CCDC146: variants seen among roughly 807,000 people sequenced by gnomAD.
The protein encoded by CCDC146 is coiled-coil domain containing 146, also known as coiled-coil domain-containing protein 146.
Under a neutral mutation model 119.3 loss-of-function variants are expected in CCDC146, and 92 were observed. The ratio of observed to expected loss-of-function variants is 0.77; its 90% CI spans 0.65 to 0.92. The LOEUF is 0.92. Ranked by LOEUF, CCDC146 falls within the 40% of genes least tolerant of loss-of-function variation. The probability of loss-of-function intolerance (pLI) is 0.00; values close to 1 mark genes in which losing one functional copy is unlikely to be tolerated. For missense variants in CCDC146, 1,000 were observed against 1,103.0 expected, an observed-to-expected ratio of 0.91 and a Z score of 1.32; for synonymous variants, 372 against 371.8, an observed-to-expected ratio of 1.00 and a Z score of -0.01.
At chr7:77,176,504 A>G (rs1476304449) in intron 2 of CCDC146, among the ~76,000 whole-genome samples, 1 of 144,970 alleles carries the variant, frequency 6.9e-6, no homozygotes, top group Non-Finnish European at 1.5e-5. Flanking sequence ...ACCATACATG[A>G]GAGTTCAGAA....
At chr7:77,231,168 G>A (rs1792619951) in intron 2 of CCDC146, among the ~76,000 whole-genome samples, 3 of 152,148 alleles carry the variant, frequency 2.0e-5, no homozygotes, top group Non-Finnish European at 2.9e-5. Context: ...CTTAGTGGCT[G>A]TCTTAGTTAC....
intron 1 of CCDC146, among the ~76,000 whole-genome samples, chr7:77,155,482 G>A (rs1256388778): frequency 6.6e-6 from 1 of 151,760 alleles, no homozygotes; most frequent in African/African-American, 2.4e-5. Context: ...AGAGGAAAGG[G>A]CTTTGCTAAG....
intron 2 of CCDC146, among the ~76,000 whole-genome samples, chr7:77,212,269 A>G (rs1792199136): frequency 6.6e-6 from 1 of 152,216 alleles, no homozygotes; most frequent in Admixed American, 6.5e-5. Context: ...AGAAAAATAT[A>G]TAGCTTTCCT....
At chr7:77,170,458 G>T (rs1791404428) in intron 2 of CCDC146, among the ~76,000 whole-genome samples, 2 of 152,132 alleles carry the variant, frequency 1.3e-5, no homozygotes, top group Middle Eastern at 3.4e-3. Flanking sequence ...TGTCTTTTTG[G>T]TAGAATGATC....
chr7:77,215,925 T>C (rs979040627), intron 2 of CCDC146, among the ~76,000 whole-genome samples: 1 of 152,036 alleles, frequency 6.6e-6, no homozygotes, highest in Non-Finnish European at 1.5e-5. Flanking sequence ...CAAATTCTAA[T>C]AATTGCTTCT....
chr7:77,218,715 C>T (rs78903949), intron 2 of CCDC146, among the ~76,000 whole-genome samples: 2,959 of 151,252 alleles, frequency 0.02, 98 homozygotes, highest in East Asian at 0.14. Flanking sequence ...CCTCCTATGT[C>T]AGCCTTCTAA....
At chr7:77,258,893 T>G in intron 6 of CCDC146, 102 bp from the exon 7 acceptor site, 1 of 739,558 alleles carries the variant, frequency 1.4e-6, no homozygotes. Context: ...ATGGTAAGTA[T>G]CTACATATTG....
chr7:77,235,741 A>G (rs1215578654), intron 2 of CCDC146, among the ~76,000 whole-genome samples: 1 of 152,176 alleles, frequency 6.6e-6, no homozygotes, highest in African/African-American at 2.4e-5. Flanking sequence ...GGCCAGTGGG[A>G]TCAGGGAAGG....
At chr7:77,166,204 A>G (rs1407248040) in intron 1 of CCDC146, among the ~76,000 whole-genome samples, 1 of 152,238 alleles carries the variant, frequency 6.6e-6, no homozygotes, top group Admixed American at 6.5e-5. Context: ...TATTGAATAA[A>G]TGTACATTTA....
At chr7:77,139,509 G>A (rs1194868949) in intron 1 of CCDC146, among the ~76,000 whole-genome samples, 2 of 152,192 alleles carry the variant, frequency 1.3e-5, no homozygotes, top group East Asian at 3.8e-4. Context: ...TAACGTAAAC[G>A]ATGGACTCTA....
chr7:77,160,198 A>G (rs1791239731), intron 1 of CCDC146, among the ~76,000 whole-genome samples: 2 of 152,176 alleles, frequency 1.3e-5, no homozygotes, highest in Non-Finnish European at 2.9e-5. Flanking sequence ...GAAGTCAGGT[A>G]GCGTGATGCC....
intron 2 of CCDC146, among the ~76,000 whole-genome samples, chr7:77,180,291 CA>C (rs1791567202): frequency 6.6e-6 from 1 of 152,116 alleles, no homozygotes; most frequent in Non-Finnish European, 1.5e-5. Flanking sequence ...CACACACACA[CA>C]CACCCCATAT....
intron 2 of CCDC146, among the ~76,000 whole-genome samples, chr7:77,235,105 GTATACTGTGCCTGGGAT>G (rs1012739600): frequency 1.3e-5 from 2 of 152,100 alleles, no homozygotes; most frequent in African/African-American, 4.8e-5. Context: ...TAGCACCTGG[GTATACTGTGCCTGGGAT>G]TATACTGTGC....
At chr7:77,179,521 G>A (rs1459389804) in intron 2 of CCDC146, among the ~76,000 whole-genome samples, 5 of 151,748 alleles carry the variant, frequency 3.3e-5, no homozygotes, top group African/African-American at 4.8e-5. Flanking sequence ...AGTATTTCAA[G>A]GCATGAATGG....
chr7:77,223,222 G>C (rs1292251030), intron 2 of CCDC146, among the ~76,000 whole-genome samples: 1 of 152,226 alleles, frequency 6.6e-6, no homozygotes, highest in Non-Finnish European at 1.5e-5. Context: ...AGCAACTGCA[G>C]TTTCACTAGG....
intron 9 of CCDC146, among the ~76,000 whole-genome samples, chr7:77,265,873 G>A (rs1793392754): frequency 1.3e-5 from 2 of 152,212 alleles, no homozygotes; most frequent in Admixed American, 6.5e-5. Context: ...TTGGGCAGGT[G>A]GAAGATTTGC....
At chr7:77,267,391 T>C (rs1186259544) in intron 9 of CCDC146, among the ~76,000 whole-genome samples, 2 of 152,176 alleles carry the variant, frequency 1.3e-5, no homozygotes, top group Non-Finnish European at 2.9e-5. Flanking sequence ...AGTTTGTCCA[T>C]GTATTTCCCA....
At chr7:77,191,972 G>A (rs538901893) in intron 2 of CCDC146, among the ~76,000 whole-genome samples, 36 of 151,894 alleles carry the variant, frequency 2.4e-4, no homozygotes, top group African/African-American at 8.4e-4. Context: ...TGTCACCCAG[G>A]CTGGAGTGCA....
Position 77,294,989 on chromosome 7 carries a change from T to G in CCDC146, c.*123T>G. On this transcript the variant is annotated 3_prime_UTR_variant, in exon 19 of 19. Coordinates refer to ENST00000285871, the MANE Select transcript of CCDC146 (RefSeq NM_020879.3). ...TGATAAGTAAGGTAACCACAATTAG[T>G]CAGCAACAGAGTACAACAGGGTTTC... is the stretch of plus-strand genomic sequence containing the variant. 2.7e-6 allele frequency: 2 copies of G among 748,674 alleles called. No individual in the cohort carries two copies. The highest frequency in any genetic ancestry group is 5.4e-5 in the East Asian group (2 of 37,192). 46.4% of individuals were successfully genotyped at this position (748,674 alleles called of 1,614,324 possible).
Sources: allele counts gnomAD v4.1 joint callset (sites outside exome capture counted in the v4.1 genomes callset), GRCh38; gene constraint gnomAD v4.1.1; transcripts MANE v1.5; gene names NCBI Gene and HGNC (gene_info 2026-07-23, HGNC 2026-07-21).